Variants in WRN observed in about 807,000 individuals in gnomAD.
The protein encoded by WRN is bifunctional 3'-5' exonuclease/ATP-dependent helicase WRN.
WRN carries 149 observed loss-of-function variants against 180.7 expected under a neutral mutation model. That is an observed-to-expected ratio of 0.82 (90% CI 0.72 to 0.94). The LOEUF (loss-of-function observed/expected upper bound fraction) is 0.94. Ranked by LOEUF, WRN falls within the 40% of genes least tolerant of loss-of-function variation. WRN has a pLI of 0.00. For missense variants in WRN, 1,661 were observed against 1,700.1 expected (o/e 0.98, Z 0.40); for synonymous variants, 548 against 568.9 (o/e 0.96, Z 0.52).
chr8:31,068,245 T>C lies in WRN; in HGVS notation c.655-13T>C. On this transcript the variant is annotated splice_polypyrimidine_tract_variant and intron_variant, in intron 6 of 34. Transcript: ENST00000298139. ...CTTTAGCATACTTTTTAAATTTTTC[T>C]GTTTTTTTATAGGCTGGTTTTATTA... is the stretch of plus-strand genomic sequence containing the variant. 1 of 1,588,810 alleles carries C rather than the reference T, an allele frequency of 6.3e-7. No homozygotes were observed. The highest frequency in any genetic ancestry group is 8.6e-7 in the Non-Finnish European group (1 of 1,160,902).
At chr8:31,106,783 G>C (rs932127435) in intron 18 of WRN, among the ~76,000 whole-genome samples, 1 of 131,856 alleles carries the variant, frequency 7.6e-6, no homozygotes, top group Non-Finnish European at 1.7e-5. Context: ...AATTTTCTGT[G>C]AGTTCTTCTT....
intron 23 of WRN, among the ~76,000 whole-genome samples, chr8:31,127,190 A>G (rs1222118552): frequency 6.6e-6 from 1 of 152,228 alleles, no homozygotes; most frequent in African/African-American, 2.4e-5. Context: ...TTCCATTTAT[A>G]TAATAGTCTT....
At chr8:31,060,418 A>T (rs953793669) in intron 3 of WRN, among the ~76,000 whole-genome samples, 1 of 152,034 alleles carries the variant, frequency 6.6e-6, no homozygotes, top group Non-Finnish European at 1.5e-5. Flanking sequence ...AAAATTAGCC[A>T]GGTGTCTGTG....
rs1060500059 is a variant in WRN at position 31,090,882 on chromosome 8, A to G, written c.1769A>G (p.Lys590Arg). 6.2e-7 allele frequency: 1 copy of G among 1,613,040 alleles called. No individual in the cohort carries two copies. Residue 590 changes from lysine (K) to arginine (R), a missense_variant, in exon 15 of 35, where the codon AAG (lysine) becomes AGG (arginine). Physicochemically the swap from Lys to Arg is conservative, Grantham distance 26. Around this residue, in one of 3 missense-constraint regions of WRN, gnomAD observed 1,141 missense variants for 1,149.4 expected, o/e 0.99. Coordinates refer to ENST00000298139, the MANE Select transcript of WRN (RefSeq NM_000553.6). ...CFQYPPVYVG[K>R]IGLVISPLIS... Reference sequence around the variant, plus strand: ...CAGTATCCACCTGTTTATGTAGGCAAGATTGGCCTTGTTATCTCTCCCCTT... The same window carrying G: ...CAGTATCCACCTGTTTATGTAGGCAGGATTGGCCTTGTTATCTCTCCCCTT...
intron 18 of WRN, among the ~76,000 whole-genome samples, chr8:31,110,584 TA>T (rs563852690): frequency 1.8e-4 from 27 of 152,282 alleles, no homozygotes; most frequent in Non-Finnish European, 3.5e-4. Context: ...TTTTGAGTCA[TA>T]TTCTAGAAGT....
chr8:31,100,829 G>A lies in WRN; in HGVS notation c.1982-20G>A, dbSNP rs374907903. The A allele has an allele frequency of 2.7e-5, 40 of 1,462,890 alleles. No homozygotes were observed. The African/African-American group carries it at 9.7e-4, about 35-fold the overall frequency. 90.6% of individuals were successfully genotyped at this position (1,462,890 alleles called of 1,614,324 possible). ...TTTCGAGCTTTATCTTTTCCTTTAT[G>A]TGTTTTTCTTTTTTTACAGGTATCA... On this transcript the variant is annotated intron_variant, in intron 17 of 34. Coordinates refer to ENST00000298139, the MANE Select transcript of WRN (RefSeq NM_000553.6).
At chr8:31,161,208 C>G (rs1378815240) in intron 33 of WRN, among the ~76,000 whole-genome samples, 1 of 152,124 alleles carries the variant, frequency 6.6e-6, no homozygotes, top group Non-Finnish European at 1.5e-5. Context: ...CCTAATTTCC[C>G]TAATATTCAA....
chr8:31,060,319 C>T (rs1378624132), intron 3 of WRN, among the ~76,000 whole-genome samples: 2 of 152,158 alleles, frequency 1.3e-5, no homozygotes, highest in South Asian at 2.1e-4. Context: ...ATAACCCCTA[C>T]ACTTTGGGAG....
chr8:31,176,074 A>G lies in WRN; in HGVS notation c.*2972A>G, dbSNP rs1804261876. ...TAATGTTTTATTATAAAGGTGTACC[A>G]TGAATTATGTACCTTACTTCATATT... On this transcript the variant is annotated 3_prime_UTR_variant, in exon 35 of 35. Coordinates refer to ENST00000298139, the MANE Select transcript of WRN (RefSeq NM_000553.6). 6.6e-6 allele frequency among the ~76,000 whole-genome samples: 1 copy of G among 152,208 alleles called. No individual in the cohort carries two copies. The highest frequency in any genetic ancestry group is 2.1e-4 in the South Asian group (1 of 4,838).
chr8:31,154,568 A>G (rs1371653783), intron 31 of WRN, 56 bp from the exon 32 acceptor site: 2 of 1,540,278 alleles, frequency 1.3e-6, no homozygotes, highest in South Asian at 1.2e-5. Flanking sequence ...TCATACATAT[A>G]TTCTATTATT....
Position 31,065,079 on chromosome 8 carries a change from A to G in WRN, c.504+16A>G, listed in dbSNP as rs774665600. 3.1e-6 allele frequency: 5 copies of G among 1,606,196 alleles called. No individual in the cohort carries two copies. The highest frequency in any genetic ancestry group is 2.2e-5 in the East Asian group (1 of 44,664). On this transcript the variant is annotated intron_variant, in intron 5 of 34. Transcript: ENST00000298139. ...CAATAAAAAGGTAAAAGCAATATAT[A>G]TATAATTTTCATGATGAAGATTATT...
chr8:31,045,551 G>A (rs1269515956), intron 1 of WRN, among the ~76,000 whole-genome samples: 8 of 151,784 alleles, frequency 5.3e-5, no homozygotes, highest in East Asian at 3.9e-4. Flanking sequence ...TACAGCACTC[G>A]CTGCCACACC....
At chr8:31,075,504 A>G (rs1813061980) in intron 7 of WRN, among the ~76,000 whole-genome samples, 1 of 151,910 alleles carries the variant, frequency 6.6e-6, no homozygotes, top group South Asian at 2.1e-4. Flanking sequence ...TTAGGCCAGA[A>G]GTTGGAGACC....
chr8:31,174,810 T>TTCCTTCCTTCCTTCCTTCCTTCCTTCCG lies in WRN; in HGVS notation c.*1720_*1721insTCCTTCCTTCCTTCCGTCCTTCCTTCCT, dbSNP rs2130534666. On this transcript the variant is annotated 3_prime_UTR_variant, in exon 35 of 35. Transcript: ENST00000298139. ...CCTTCCCTTCCCCTTCCTTCCTTCCTTCCTTCCTTCCTCCCTCCCTCCCTC... is the reference window on the plus strand; with the variant it reads ...CCTTCCCTTCCCCTTCCTTCCTTCCTTCCTTCCTTCCTTCCTTCCTTCCTTCCGTCCTTCCTTCCTCCCTCCCTCCCTC... Among the ~76,000 whole-genome samples the TTCCTTCCTTCCTTCCTTCCTTCCTTCCG allele has an allele frequency of 9.5e-6, 1 of 105,606 alleles. No homozygotes were observed. Among genetic ancestry groups the TTCCTTCCTTCCTTCCTTCCTTCCTTCCG allele is most frequent in the African/African-American group, 3.3e-5 (1 of 30,558 alleles). The allele number at this position is 105,606 out of a possible 152,430, so 69.3% of individuals were successfully genotyped here.
intron 34 of WRN, among the ~76,000 whole-genome samples, chr8:31,172,046 A>T (rs1804118738): frequency 1.3e-5 from 2 of 152,146 alleles, no homozygotes; most frequent in South Asian, 4.1e-4. Flanking sequence ...AGATAACATA[A>T]GTGTATGACA....
intron 1 of WRN, among the ~76,000 whole-genome samples, chr8:31,052,669 G>A (rs1812121496): frequency 6.6e-6 from 1 of 152,136 alleles, no homozygotes; most frequent in South Asian, 2.1e-4. Context: ...TTACACACGT[G>A]AGCCACTGCG....
Position 31,173,150 on chromosome 8 carries a change from A to G in WRN, c.*48A>G, listed in dbSNP as rs1804167601. ...ATGTTTCTTGCTGTATTATAAGAGGATAGCTATATTTTATTTCTGAAGAGT... is the reference window on the plus strand; with the variant it reads ...ATGTTTCTTGCTGTATTATAAGAGGGTAGCTATATTTTATTTCTGAAGAGT... On this transcript the variant is annotated 3_prime_UTR_variant, in exon 35 of 35. Transcript: ENST00000298139. 6.5e-7 allele frequency: 1 copy of G among 1,529,748 alleles called. No homozygotes were observed. Among genetic ancestry groups the G allele is most frequent in the South Asian group, 1.1e-5 (1 of 88,642 alleles). 94.8% of individuals were successfully genotyped at this position (1,529,748 alleles called of 1,614,324 possible).
intron 16 of WRN, among the ~76,000 whole-genome samples, chr8:31,094,624 GGCGTGA>G: frequency 1.3e-5 from 2 of 152,124 alleles, no homozygotes; most frequent in South Asian, 4.1e-4. Context: ...TGGGATTACA[GGCGTGA>G]GCCACTCTGC....
intron 24 of WRN, 126 bp downstream of exon 24, chr8:31,132,632 C>A: frequency 7.6e-7 from 1 of 1,312,536 alleles, no homozygotes; most frequent in Non-Finnish European, 1.1e-6. Flanking sequence ...CTCATAGAGT[C>A]TTACTAAGTT....
Sources: allele counts gnomAD v4.1 joint callset (sites outside exome capture counted in the v4.1 genomes callset), GRCh38; gene constraint gnomAD v4.1.1; regional missense constraint gnomAD v4.1.1; transcripts MANE v1.5; gene names NCBI Gene and HGNC (gene_info 2026-07-23, HGNC 2026-07-21).